Variants in CHIC2 observed in about 807,000 individuals in gnomAD.
CHIC2 encodes cysteine rich hydrophobic domain 2, also known as cysteine-rich hydrophobic domain-containing protein 2.
Under a neutral mutation model 25.9 loss-of-function variants are expected in CHIC2, and 14 were observed. That is an observed-to-expected ratio of 0.54 (90% CI 0.36 to 0.85). CHIC2 has a LOEUF of 0.85. CHIC2 is among the 40% of genes least tolerant of loss of function. CHIC2 has a pLI of 0.01. For synonymous variants in CHIC2, 70 were observed against 72.0 expected, an observed-to-expected ratio of 0.97 and a Z score of 0.14; for missense variants, 146 against 202.0, an observed-to-expected ratio of 0.72 and a Z score of 1.68.
chr4:54,047,814 A>G (rs1479336836), intron 3 of CHIC2, among the ~76,000 whole-genome samples: 1 of 151,976 alleles, frequency 6.6e-6, no homozygotes, highest in Non-Finnish European at 1.5e-5. Flanking sequence ...AAAAAAAAGA[A>G]ACCCTGTCTC....
At chr4:54,020,580 T>C (rs1043245222) in intron 3 of CHIC2, among the ~76,000 whole-genome samples, 4 of 152,138 alleles carry the variant, frequency 2.6e-5, no homozygotes, top group Admixed American at 6.5e-5. Context: ...CCTCACTCCA[T>C]GAGGAGATCC....
At position 54,034,462 on chromosome 4, in the gene CHIC2, T is replaced by C. The variant is rs559907569; in HGVS notation, c.330+14493A>G. 1.2e-3 allele frequency among the ~76,000 whole-genome samples: 185 copies of C among 152,274 alleles called. 1 individual carries two copies. The highest frequency in any genetic ancestry group is 4.4e-3 in the African/African-American group (182 of 41,550). On this transcript the variant is annotated intron_variant, in intron 3 of 5. Coordinates refer to ENST00000263921, the MANE Select transcript of CHIC2 (RefSeq NM_012110.4). ...AGAACCAATATTTTCCCCCACTTAC[T>C]TAAGTCTTTTAAGTTTTTTTCTGAG...
chr4:54,073,879 G>A, the CHIC2 span, among the ~76,000 whole-genome samples: 3,599 of 152,240 alleles, frequency 0.024, 61 homozygotes, highest in Non-Finnish European at 0.035. Context: ...GTTTTAGACC[G>A]GGCGCAGTGG....
chr4:54,028,701 T>C (rs571279627), intron 3 of CHIC2, among the ~76,000 whole-genome samples: 1 of 152,388 alleles, frequency 6.6e-6, no homozygotes, highest in South Asian at 2.1e-4. Flanking sequence ...ATTATTTCAT[T>C]GCATATCAAC....
At chr4:54,036,960 AATAG>A (rs1173089050) in intron 3 of CHIC2, among the ~76,000 whole-genome samples, 1 of 152,234 alleles carries the variant, frequency 6.6e-6, no homozygotes, top group Non-Finnish European at 1.5e-5. Flanking sequence ...TCAGCAGGTA[AATAG>A]ATAAACAAAT....
intron 1 of CHIC2, among the ~76,000 whole-genome samples, chr4:54,054,795 A>G (rs1432229312): frequency 6.6e-6 from 1 of 152,258 alleles, no homozygotes; most frequent in Non-Finnish European, 1.5e-5. Context: ...GTATCTGAAC[A>G]TAAGACAAAT....
the CHIC2 span, among the ~76,000 whole-genome samples, chr4:54,091,663 A>C: frequency 4.6e-5 from 7 of 152,166 alleles, no homozygotes; most frequent in South Asian, 1.2e-3. Flanking sequence ...ACCTAACACC[A>C]CCTGTTCCTC....
the CHIC2 span, among the ~76,000 whole-genome samples, chr4:54,074,343 C>T: frequency 2.6e-5 from 4 of 152,062 alleles, no homozygotes; most frequent in African/African-American, 9.7e-5. Flanking sequence ...TCTTTTGGCC[C>T]CTGAATGCAT....
chr4:54,074,773 CT>C, the CHIC2 span, among the ~76,000 whole-genome samples: 1 of 152,092 alleles, frequency 6.6e-6, no homozygotes, highest in Admixed American at 6.6e-5. Flanking sequence ...ATCTCAACCT[CT>C]TCTTAACCTG....
chr4:54,071,010 T>C, the CHIC2 span, among the ~76,000 whole-genome samples: 2 of 152,206 alleles, frequency 1.3e-5, no homozygotes, highest in Non-Finnish European at 2.9e-5. Flanking sequence ...TCTGCTCCAA[T>C]GCTTTAGGAT....
intron 3 of CHIC2, among the ~76,000 whole-genome samples, chr4:54,036,866 C>CA (rs879547622): frequency 0.011 from 1,470 of 136,662 alleles, 21 homozygotes; most frequent in African/African-American, 0.031. Flanking sequence ...AATTTTTACT[C>CA]AAAAAAAAAA....
At chr4:54,023,313 A>G (rs1715960873) in intron 3 of CHIC2, among the ~76,000 whole-genome samples, 1 of 152,156 alleles carries the variant, frequency 6.6e-6, no homozygotes, top group South Asian at 2.1e-4. Flanking sequence ...CCGCTCTAAT[A>G]CTTTTAGAGG....
chr4:54,045,912 G>A (rs1716770317), intron 3 of CHIC2, among the ~76,000 whole-genome samples: 1 of 152,158 alleles, frequency 6.6e-6, no homozygotes, highest in Admixed American at 6.5e-5. Flanking sequence ...CATCGTCTCA[G>A]CCCAAAATCT....
chr4:54,044,315 C>T (rs1304455692), intron 3 of CHIC2, among the ~76,000 whole-genome samples: 5 of 152,230 alleles, frequency 3.3e-5, no homozygotes, highest in Non-Finnish European at 7.3e-5. Context: ...TAGACATCTA[C>T]AGAACTCTCC....
the CHIC2 span, among the ~76,000 whole-genome samples, chr4:54,071,771 G>A: frequency 6.3e-5 from 9 of 143,118 alleles, no homozygotes; most frequent in East Asian, 1.3e-3. Flanking sequence ...TCAGGAGTTC[G>A]AGACCAGCCT....
chr4:54,031,667 T>G (rs548474102), intron 3 of CHIC2, among the ~76,000 whole-genome samples: 1 of 146,148 alleles, frequency 6.8e-6, no homozygotes, highest in African/African-American at 2.6e-5. Flanking sequence ...AGCCTTAGGC[T>G]GGAGTACAGT....
chr4:54,035,799 T>G (rs1716365967), intron 3 of CHIC2, among the ~76,000 whole-genome samples: 1 of 152,156 alleles, frequency 6.6e-6, no homozygotes, highest in Non-Finnish European at 1.5e-5. Context: ...AAAACAGAGG[T>G]CATGGATTTG....
chr4:54,018,292 C>G (rs147747903), intron 3 of CHIC2, among the ~76,000 whole-genome samples: 2,333 of 152,122 alleles, frequency 0.015, 33 homozygotes, highest in Non-Finnish European at 0.025. Context: ...CAATAGAAAA[C>G]TAAGATTTCC....
upstream of CHIC2, among the ~76,000 whole-genome samples, chr4:54,067,296 C>CTGTGTG (rs5858255): frequency 6.7e-6 from 1 of 149,666 alleles, no homozygotes; most frequent in African/African-American, 2.5e-5. Flanking sequence ...GTGTGTGTGT[C>CTGTGTG]TGTGTGTGTG....
Sources: gnomAD v4.1 joint callset for allele counts (sites outside exome capture counted in the v4.1 genomes callset) on GRCh38, gnomAD v4.1.1 for gene constraint, MANE v1.5 for transcripts, NCBI Gene and HGNC (gene_info 2026-07-23, HGNC 2026-07-21) for gene names.